The following PTPRO variants were observed in gnomAD, a reference collection of about 807,000 sequenced individuals.
PTPRO encodes protein tyrosine phosphatase receptor type O.
A neutral mutation model predicts 145.2 loss-of-function variants in PTPRO; 62 were observed. The observed-to-expected ratio is 0.43, with a 90% CI of 0.35 to 0.53. The LOEUF (loss-of-function observed/expected upper bound fraction) is 0.53. PTPRO is among the 20% of genes least tolerant of loss of function. The pLI, the probability that PTPRO is intolerant of heterozygous loss-of-function variation, is 0.01. For missense variants in PTPRO, 1,345 were observed against 1,482.7 expected, an observed-to-expected ratio of 0.91 and a Z score of 1.53; for synonymous variants, 565 against 514.7, an observed-to-expected ratio of 1.10 and a Z score of -1.32.
chr12:15,382,205 G>A (rs988401552), intron 1 of PTPRO, among the ~76,000 whole-genome samples: 2 of 150,752 alleles, frequency 1.3e-5, no homozygotes, highest in Non-Finnish European at 2.9e-5. Flanking sequence ...GGATTGCAAA[G>A]CCTGACGCAT....
chr12:15,353,543 C>T (rs1199756956), intron 1 of PTPRO, among the ~76,000 whole-genome samples: 1 of 152,138 alleles, frequency 6.6e-6, no homozygotes. Flanking sequence ...CGAATTCCCA[C>T]TGATATTCTC....
chr12:15,414,504 G>A (rs1401485825), intron 1 of PTPRO, among the ~76,000 whole-genome samples: 1 of 152,036 alleles, frequency 6.6e-6, no homozygotes, highest in African/African-American at 2.4e-5. Flanking sequence ...GCTTAAAGCT[G>A]TGCATAGAAG....
chr12:15,549,059 T>C (rs748747909), intron 13 of PTPRO, 35 bp from the exon 14 acceptor site: 1 of 1,605,794 alleles, frequency 6.2e-7, no homozygotes, highest in Non-Finnish European at 8.5e-7. Context: ...TAGATGAAGT[T>C]AACCTAAAAT....
At chr12:15,571,802 A>G (rs549880119) in intron 19 of PTPRO, among the ~76,000 whole-genome samples, 24 of 152,340 alleles carry the variant, frequency 1.6e-4, no homozygotes, top group African/African-American at 5.3e-4. Flanking sequence ...AAATGGAACC[A>G]TGTGGGCTCA....
rs184699109 is a variant in PTPRO at position 15,504,735 on chromosome 12, G to T, written c.1267+666G>T. 1.9e-3 allele frequency among the ~76,000 whole-genome samples: 287 copies of T among 152,274 alleles called. 3 individuals carry two copies. The highest frequency in any genetic ancestry group is 2.6e-3 in the Non-Finnish European group (176 of 68,018). ...ACCTACCCTATCAGGAGTTATATGT[G>T]CCTCCGATCAGTAGAAAGAAAAACC... On this transcript the variant is annotated intron_variant, in intron 6 of 26. Transcript: ENST00000281171.
intron 12 of PTPRO, among the ~76,000 whole-genome samples, chr12:15,528,607 T>C (rs773996895): frequency 2.0e-5 from 3 of 151,860 alleles, no homozygotes; most frequent in African/African-American, 4.8e-5. Context: ...TAAGGAAGTT[T>C]ACTGAAAGAA....
At chr12:15,368,734 A>T (rs138731824) in intron 1 of PTPRO, among the ~76,000 whole-genome samples, 1 of 152,236 alleles carries the variant, frequency 6.6e-6, no homozygotes, top group Non-Finnish European at 1.5e-5. Context: ...CTTTTAAAAT[A>T]TATCTCCTTA....
chr12:15,444,381 C>A (rs1441018496), intron 1 of PTPRO, among the ~76,000 whole-genome samples: 1 of 151,990 alleles, frequency 6.6e-6, no homozygotes, highest in African/African-American at 2.4e-5. Context: ...TAACTGTTGG[C>A]TACTGTGATT....
Position 15,520,251 on chromosome 12 carries a change from G to T in PTPRO, c.1830G>T (p.Met610Ile). ...GGTACTACAACTTCCGGGTTACCAT[G>T]GTGACGTGGGGAGATCCAGAATTGA... ...PAWYYNFRVT[M>I]VTWGDPELSC... is the part of the protein sequence containing the mutation. Residue 610 changes from methionine (M) to isoleucine (I), a missense_variant, in exon 10 of 27, where the codon ATG becomes ATT. By Grantham distance (10) the Met-to-Ile change is conservative (BLOSUM62 1). Coordinates refer to ENST00000281171, the MANE Select transcript of PTPRO (RefSeq NM_030667.3). The T allele has an allele frequency of 6.2e-7, 1 of 1,613,914 alleles. No individual in the cohort carries two copies. The highest frequency in any genetic ancestry group is 8.5e-7 in the Non-Finnish European group (1 of 1,179,886).
chr12:15,394,852 A>C (rs1316464066), intron 1 of PTPRO, among the ~76,000 whole-genome samples: 1 of 152,212 alleles, frequency 6.6e-6, no homozygotes, highest in African/African-American at 2.4e-5. Context: ...TAGTTTCTGT[A>C]AGATTTATTT....
intron 24 of PTPRO, among the ~76,000 whole-genome samples, chr12:15,588,723 A>C (rs1214468274): frequency 6.6e-6 from 1 of 152,186 alleles, no homozygotes; most frequent in Non-Finnish European, 1.5e-5. Flanking sequence ...GGACATCTCA[A>C]CTGGAGTTTT....
chr12:15,448,809 T>C (rs1940974111), intron 1 of PTPRO, among the ~76,000 whole-genome samples: 4 of 152,124 alleles, frequency 2.6e-5, no homozygotes, highest in South Asian at 4.1e-4. Flanking sequence ...TTAAAATAAT[T>C]AGGGTACTAT....
chr12:15,547,365 C>T (rs774279979), intron 13 of PTPRO, among the ~76,000 whole-genome samples: 6 of 152,082 alleles, frequency 3.9e-5, no homozygotes, highest in South Asian at 2.1e-4. Flanking sequence ...TGAGTGGCAA[C>T]GCCACAAGGA....
At chr12:15,551,835 A>G (rs1943469808) in intron 15 of PTPRO, among the ~76,000 whole-genome samples, 164 bp downstream of exon 15, 1 of 152,066 alleles carries the variant, frequency 6.6e-6, no homozygotes, top group Non-Finnish European at 1.5e-5. Context: ...TCGAAACATT[A>G]TATTGGAAAA....
chr12:15,524,439 T>A (rs1942794807), intron 10 of PTPRO, among the ~76,000 whole-genome samples: 1 of 152,198 alleles, frequency 6.6e-6, no homozygotes, highest in South Asian at 2.1e-4. Context: ...AGTTTTTTAA[T>A]CCTACTTGGC....
intron 1 of PTPRO, among the ~76,000 whole-genome samples, chr12:15,418,952 T>G (rs1940057655): frequency 6.6e-6 from 1 of 151,718 alleles, no homozygotes; most frequent in Non-Finnish European, 1.5e-5. Flanking sequence ...ATTGTGACAC[T>G]TTTTTAAAGC....
intron 1 of PTPRO, among the ~76,000 whole-genome samples, chr12:15,384,867 CT>C (rs1342010385): frequency 6.6e-6 from 1 of 152,158 alleles, no homozygotes; most frequent in African/African-American, 2.4e-5. Flanking sequence ...ATTTTCTGAT[CT>C]TAAAAGCAAG....
intron 1 of PTPRO, among the ~76,000 whole-genome samples, chr12:15,447,726 C>A (rs1175328913): frequency 2.0e-5 from 3 of 148,942 alleles, no homozygotes; most frequent in East Asian, 4.0e-4. Flanking sequence ...CCAAATTTGC[C>A]ATCGATGTGA....
At chr12:15,578,703 T>C (rs1944240538) in intron 19 of PTPRO, 150 bp from the exon 20 acceptor site, 1 of 682,916 alleles carries the variant, frequency 1.5e-6, no homozygotes, top group South Asian at 1.6e-5. Flanking sequence ...CCAAAGCAAG[T>C]TGATGATAGT....
Sources: gnomAD v4.1 joint callset for allele counts (sites outside exome capture counted in the v4.1 genomes callset) on GRCh38, gnomAD v4.1.1 for gene constraint, MANE v1.5 for transcripts, NCBI Gene and HGNC (gene_info 2026-07-23, HGNC 2026-07-21) for gene names.